The following PRKD1 variants were observed in gnomAD, a reference collection of about 807,000 sequenced individuals.
PRKD1 encodes protein kinase D1.
PRKD1 carries 63 observed loss-of-function variants against 95.9 expected under a neutral mutation model. The observed-to-expected ratio is 0.66, with a 90% CI of 0.54 to 0.81. The LOEUF is 0.81. Among genes scored for constraint, PRKD1 ranks in the 30% least tolerant of loss-of-function variants. The probability of loss-of-function intolerance (pLI) is 0.00; values close to 1 mark genes in which losing one functional copy is unlikely to be tolerated. For missense variants in PRKD1, 1,048 were observed against 1,165.3 expected, an observed-to-expected ratio of 0.90 and a Z score of 1.47; for synonymous variants, 425 against 423.1, an observed-to-expected ratio of 1.00 and a Z score of -0.05.
intron 13 of PRKD1, among the ~76,000 whole-genome samples, chr14:29,623,416 G>A (rs578152488): frequency 6.6e-6 from 1 of 152,108 alleles, no homozygotes; most frequent in African/African-American, 2.4e-5. Context: ...CGTTAAAACT[G>A]GGAATTAAAA....
chr14:29,878,338 T>TAAAA (rs1594596826), intron 1 of PRKD1, among the ~76,000 whole-genome samples: 1 of 52,694 alleles, frequency 1.9e-5, no homozygotes, highest in Non-Finnish European at 3.3e-5. Flanking sequence ...GGAGTTCTAA[T>TAAAA]GACAAAAAAA....
chr14:29,822,025 G>A (rs986325587), intron 1 of PRKD1, among the ~76,000 whole-genome samples: 1 of 152,042 alleles, frequency 6.6e-6, no homozygotes, highest in South Asian at 2.1e-4. Context: ...ACTCAGCACA[G>A]CGACCAGGTT....
intron 2 of PRKD1, among the ~76,000 whole-genome samples, chr14:29,720,456 T>C (rs140659523): frequency 6.6e-6 from 1 of 152,172 alleles, no homozygotes; most frequent in African/African-American, 2.4e-5. Flanking sequence ...TAGTAGAAGC[T>C]TTTTGTTTGA....
chr14:29,922,239 T>G (rs1294229222), intron 1 of PRKD1, among the ~76,000 whole-genome samples: 1 of 149,008 alleles, frequency 6.7e-6, no homozygotes, highest in East Asian at 2.0e-4. Flanking sequence ...AGGCAGAGTT[T>G]GCAGTGAGCC....
intron 2 of PRKD1, among the ~76,000 whole-genome samples, chr14:29,703,167 G>A (rs1884923194): frequency 6.6e-6 from 1 of 152,108 alleles, no homozygotes; most frequent in Non-Finnish European, 1.5e-5. Flanking sequence ...AACTCAAGAA[G>A]CTTTCCTATT....
At chr14:29,908,253 T>TATTAACAGATAATATCAAA (rs899882091) in intron 1 of PRKD1, among the ~76,000 whole-genome samples, 2 of 152,168 alleles carry the variant, frequency 1.3e-5, no homozygotes, top group African/African-American at 2.4e-5. Context: ...ATTTTAGTAA[T>TATTAACAGATAATATCAAA]ATTAACAGAT....
intron 1 of PRKD1, among the ~76,000 whole-genome samples, chr14:29,899,134 A>C (rs1894230922): frequency 6.6e-6 from 1 of 152,218 alleles, no homozygotes; most frequent in South Asian, 2.1e-4. Flanking sequence ...AGCACACACC[A>C]ATAGAATAAT....
chr14:29,922,711 T>A (rs906760561), intron 1 of PRKD1, among the ~76,000 whole-genome samples: 1 of 150,576 alleles, frequency 6.6e-6, no homozygotes, highest in East Asian at 2.0e-4. Flanking sequence ...CAGTGAGACA[T>A]TGTCTGTATA....
chr14:29,856,856 C>T (rs1363828063), intron 1 of PRKD1, among the ~76,000 whole-genome samples: 2 of 152,158 alleles, frequency 1.3e-5, no homozygotes, highest in Admixed American at 6.5e-5. Flanking sequence ...CCATTTGCCT[C>T]GGTATGCAGA....
chr14:29,805,035 T>C (rs1444915135), intron 1 of PRKD1, among the ~76,000 whole-genome samples: 3 of 152,226 alleles, frequency 2.0e-5, no homozygotes, highest in Admixed American at 2.0e-4. Context: ...GCTCTAGACC[T>C]AGAAATGTTG....
chr14:29,647,265 T>C (rs1359133262), intron 4 of PRKD1, among the ~76,000 whole-genome samples: 2 of 152,196 alleles, frequency 1.3e-5, no homozygotes, highest in Admixed American at 1.3e-4. Flanking sequence ...GGAAGTTACA[T>C]TAACTTTTAT....
intron 4 of PRKD1, among the ~76,000 whole-genome samples, chr14:29,658,606 C>T (rs8007242): frequency 0.036 from 5,509 of 152,128 alleles, 288 homozygotes; most frequent in African/African-American, 0.12. Context: ...GTCTATAAAT[C>T]ACCAAGGAAA....
intron 4 of PRKD1, among the ~76,000 whole-genome samples, chr14:29,643,528 GT>G (rs1880935125): frequency 6.6e-6 from 1 of 152,130 alleles, no homozygotes; most frequent in Non-Finnish European, 1.5e-5. Flanking sequence ...GACTGAATTT[GT>G]TTTTTAACCT....
intron 1 of PRKD1, among the ~76,000 whole-genome samples, chr14:29,921,616 T>TAACTGTGTAACAGTAA (rs1422095986): frequency 6.6e-6 from 1 of 152,204 alleles, no homozygotes; most frequent in Non-Finnish European, 1.5e-5. Context: ...TAACAGTTAT[T>TAACTGTGTAACAGTAA]CATGAATAAA....
intron 1 of PRKD1, among the ~76,000 whole-genome samples, chr14:29,812,754 C>T (rs1890543208): frequency 6.6e-6 from 1 of 152,162 alleles, no homozygotes; most frequent in Non-Finnish European, 1.5e-5. Context: ...AATTACAATT[C>T]GAGATGAGAT....
At chr14:29,884,212 GCAATTTGTATA>G (rs1893615165) in intron 1 of PRKD1, among the ~76,000 whole-genome samples, 1 of 152,066 alleles carries the variant, frequency 6.6e-6, no homozygotes, top group Non-Finnish European at 1.5e-5. Flanking sequence ...AACAATGAAT[GCAATTTGTATA>G]CAATTTTTAC....
intron 1 of PRKD1, among the ~76,000 whole-genome samples, chr14:29,880,437 T>G (rs1447639279): frequency 1.3e-5 from 2 of 151,982 alleles, no homozygotes. Flanking sequence ...TCAGAAGATG[T>G]ATAGAAATGC....
intron 2 of PRKD1, among the ~76,000 whole-genome samples, chr14:29,687,213 G>A (rs1813781916): frequency 6.6e-6 from 1 of 152,162 alleles, no homozygotes; most frequent in African/African-American, 2.4e-5. Context: ...TTATGATAAT[G>A]CATGAGGAAA....
intron 4 of PRKD1, among the ~76,000 whole-genome samples, chr14:29,651,650 CTT>C (rs35604605): frequency 3.5e-5 from 5 of 144,622 alleles, no homozygotes; most frequent in East Asian, 2.0e-4. Context: ...AGAAATCTTT[CTT>C]TTTTTTTTTT....
Sources: allele counts gnomAD v4.1 joint callset (sites outside exome capture counted in the v4.1 genomes callset), GRCh38; gene constraint gnomAD v4.1.1; transcripts MANE v1.5; gene names NCBI Gene and HGNC (gene_info 2026-07-23, HGNC 2026-07-21).